PTPRK: variants seen among roughly 807,000 people sequenced by gnomAD.
PTPRK encodes receptor-type tyrosine-protein phosphatase kappa.
A neutral mutation model predicts 178.0 loss-of-function variants in PTPRK; 75 were observed. That is an observed-to-expected ratio of 0.42 (90% CI 0.35 to 0.51). The LOEUF is 0.51. PTPRK is among the 20% of genes least tolerant of loss of function. The pLI, the probability that PTPRK is intolerant of heterozygous loss-of-function variation, is 0.02. For synonymous variants in PTPRK, 637 were observed against 620.6 expected (o/e 1.03, Z -0.39); for missense variants, 1,441 against 1,797.8 (o/e 0.80, Z 3.59).
At chr6:128,339,146 T>G (rs1292763249) in intron 2 of PTPRK, among the ~76,000 whole-genome samples, 1 of 152,168 alleles carries the variant, frequency 6.6e-6, no homozygotes, top group Non-Finnish European at 1.5e-5. Context: ...TTACAAACCT[T>G]TTTTCAGTAA....
At chr6:128,375,288 A>C (rs920679622) in intron 2 of PTPRK, among the ~76,000 whole-genome samples, 6 of 151,874 alleles carry the variant, frequency 4.0e-5, no homozygotes, top group African/African-American at 1.2e-4. Flanking sequence ...TTCAATGGAC[A>C]TACAGTTCCA....
chr6:128,147,622 T>A (rs1796677001), intron 7 of PTPRK, among the ~76,000 whole-genome samples: 1 of 152,148 alleles, frequency 6.6e-6, no homozygotes, highest in Admixed American at 6.6e-5. Flanking sequence ...CTTCTTCCTA[T>A]CAGCAGCATG....
chr6:128,175,503 A>C (rs1425739506), intron 7 of PTPRK, among the ~76,000 whole-genome samples: 1 of 151,788 alleles, frequency 6.6e-6, no homozygotes, highest in East Asian at 1.9e-4. Context: ...ATATATATCC[A>C]ACAGAATATT....
At chr6:128,172,255 T>C (rs1800373684) in intron 7 of PTPRK, among the ~76,000 whole-genome samples, 1 of 152,020 alleles carries the variant, frequency 6.6e-6, no homozygotes, top group African/African-American at 2.4e-5. Context: ...TGTACAGTCA[T>C]CTTCTTCAGA....
chr6:128,097,202 T>C (rs956129914), intron 7 of PTPRK, among the ~76,000 whole-genome samples: 1 of 152,160 alleles, frequency 6.6e-6, no homozygotes, highest in Non-Finnish European at 1.5e-5. Context: ...TTAGGCTTTC[T>C]GGCTGTGTTG....
intron 3 of PTPRK, among the ~76,000 whole-genome samples, chr6:128,302,080 A>G (rs771268624): frequency 4.6e-5 from 7 of 152,108 alleles, no homozygotes; most frequent in Non-Finnish European, 1.0e-4. Context: ...AGAAGAACAC[A>G]TCATTTTCAT....
chr6:128,086,475 C>A (rs191420971), intron 8 of PTPRK, among the ~76,000 whole-genome samples: 2 of 152,184 alleles, frequency 1.3e-5, no homozygotes, highest in East Asian at 1.9e-4. Context: ...AGGGTTCTGG[C>A]GGGAAATGGT....
chr6:128,429,102 G>T lies in PTPRK; in HGVS notation c.101-31414C>A, dbSNP rs74776823. On this transcript the variant is annotated intron_variant, in intron 1 of 29. Coordinates refer to ENST00000368226, the MANE Select transcript of PTPRK (RefSeq NM_002844.4). ...TGCACATTTGTTAAGAAAATGTAAG[G>T]CCTTAAATCCAAGTGATGCTACTAG... Among the ~76,000 whole-genome samples, 601 of 152,208 alleles carry T rather than the reference G, an allele frequency of 3.9e-3. 4 individuals are homozygous for T. Among genetic ancestry groups the T allele is most frequent in the African/African-American group, 0.014 (579 of 41,540 alleles).
At chr6:128,511,115 TC>T (rs1369624129) in intron 1 of PTPRK, among the ~76,000 whole-genome samples, 1 of 152,128 alleles carries the variant, frequency 6.6e-6, no homozygotes, top group African/African-American at 2.4e-5. Flanking sequence ...TTTAAAGTAG[TC>T]CTTAAAGGGA....
chr6:128,117,652 A>C (rs777345037), intron 7 of PTPRK, among the ~76,000 whole-genome samples: 1 of 151,918 alleles, frequency 6.6e-6, no homozygotes, highest in Non-Finnish European at 1.5e-5. Context: ...ATAAATATTC[A>C]TATTATTTAT....
At chr6:128,194,918 T>C (rs917122171) in intron 6 of PTPRK, among the ~76,000 whole-genome samples, 1 of 152,106 alleles carries the variant, frequency 6.6e-6, no homozygotes, top group African/African-American at 2.4e-5. Flanking sequence ...TAAGACACAA[T>C]GGCTGAATCC....
chr6:128,142,101 A>G (rs1277859892), intron 7 of PTPRK, among the ~76,000 whole-genome samples: 1 of 151,904 alleles, frequency 6.6e-6, no homozygotes, highest in African/African-American at 2.4e-5. Flanking sequence ...ATATATGCAT[A>G]TGTCAAGTAT....
intron 1 of PTPRK, among the ~76,000 whole-genome samples, chr6:128,486,875 TTATGAA>T (rs1439674270): frequency 6.8e-6 from 1 of 148,128 alleles, no homozygotes; most frequent in African/African-American, 2.5e-5. Flanking sequence ...GAGGGAGGAT[TTATGAA>T]TATGAACACA....
intron 3 of PTPRK, among the ~76,000 whole-genome samples, chr6:128,283,887 C>T (rs1464099780): frequency 6.6e-6 from 1 of 152,058 alleles, no homozygotes; most frequent in Non-Finnish European, 1.5e-5. Context: ...CTCACTATAC[C>T]TAGACTACCA....
intron 3 of PTPRK, among the ~76,000 whole-genome samples, chr6:128,319,949 A>T (rs1309754642): frequency 6.6e-6 from 1 of 152,200 alleles, no homozygotes; most frequent in Non-Finnish European, 1.5e-5. Context: ...TCATTGATTA[A>T]GTTTTGTAGG....
intron 7 of PTPRK, among the ~76,000 whole-genome samples, chr6:128,102,867 A>G (rs1789021196): frequency 6.6e-6 from 1 of 152,162 alleles, no homozygotes; most frequent in African/African-American, 2.4e-5. Flanking sequence ...CCTGAGAATC[A>G]TCCAAAGGCC....
Position 128,237,136 on chromosome 6 carries a change from T to C in PTPRK, c.693+2899A>G, listed in dbSNP as rs9402028. Among the ~76,000 whole-genome samples the C allele has an allele frequency of 0.029, 4,377 of 152,322 alleles. 296 individuals carry two copies. The East Asian group carries it at 0.31, about 11-fold the overall frequency. On this transcript the variant is annotated intron_variant, in intron 5 of 29. Transcript: ENST00000368226. ...GTTCTGTACACCTTTCACAGAGTTATAGTATATCATTTTTCCTTTGAAATA... is the reference window on the plus strand; with the variant it reads ...GTTCTGTACACCTTTCACAGAGTTACAGTATATCATTTTTCCTTTGAAATA...
At chr6:128,307,321 T>C (rs2128314486) in intron 3 of PTPRK, among the ~76,000 whole-genome samples, 1 of 151,324 alleles carries the variant, frequency 6.6e-6, no homozygotes, top group Non-Finnish European at 1.5e-5. Context: ...CTTTATGCTG[T>C]ATATAAAATC....
intron 18 of PTPRK, 113 bp downstream of exon 18, chr6:127,995,349 C>G: frequency 1.3e-6 from 2 of 1,535,658 alleles, no homozygotes; most frequent in South Asian, 2.3e-5. Context: ...GAAAAGTGTA[C>G]AGTTTGTACT....
Sources: gnomAD v4.1 joint callset for allele counts (sites outside exome capture counted in the v4.1 genomes callset) on GRCh38, gnomAD v4.1.1 for gene constraint, MANE v1.5 for transcripts, NCBI Gene and HGNC (gene_info 2026-07-23, HGNC 2026-07-21) for gene names.